The following CALM2 variants were observed in gnomAD, a reference collection of about 807,000 sequenced individuals.
The protein encoded by CALM2 is calmodulin 2.
A neutral mutation model predicts 19.8 loss-of-function variants in CALM2; 2 were observed. The ratio of observed to expected loss-of-function variants is 0.10; its 90% confidence interval spans 0.04 to 0.32. The LOEUF (loss-of-function observed/expected upper bound fraction) is 0.32, where lower values mean the gene tolerates loss of function less well. Ranked by LOEUF, CALM2 falls within the 10% of genes least tolerant of loss-of-function variation. The probability of loss-of-function intolerance (pLI) is 1.00; values close to 1 mark genes in which losing one functional copy is unlikely to be tolerated. For missense variants in CALM2, 38 were observed against 178.7 expected (o/e 0.21, Z 4.49); for synonymous variants, 51 against 52.1 (o/e 0.98, Z 0.09).
intron 2 of CALM2, among the ~76,000 whole-genome samples, chr2:47,169,054 G>C (rs6751274): frequency 2.6e-5 from 4 of 151,870 alleles, no homozygotes; most frequent in Admixed American, 1.3e-4. Flanking sequence ...AATTACAGGC[G>C]TGAGCCACTG....
Position 47,162,159 on chromosome 2 carries a change from T to C in CALM2, c.285+127A>G, listed in dbSNP as rs574880078. The C allele has an allele frequency of 8.5e-5, 42 of 491,434 alleles. 1 individual carries two copies. In the South Asian group the frequency reaches 1.3e-3, roughly 15 times the overall value. The allele number at this position is 491,434 out of a possible 1,614,324, so 30.4% of individuals were successfully genotyped here. On this transcript the variant is annotated intron_variant, in intron 4 of 5. Transcript: ENST00000272298. ...GCTTTTGCTTGGTAATTAAAATATGTTGGTAAATCATCAAAAAAAAAAAAA... is the reference window on the plus strand; with the variant it reads ...GCTTTTGCTTGGTAATTAAAATATGCTGGTAAATCATCAAAAAAAAAAAAA...
upstream of CALM2, chr2:47,176,526 G>GCCCCCAGCGCCTCATAAACAC: frequency 6.3e-7 from 1 of 1,586,562 alleles, no homozygotes; most frequent in South Asian, 1.1e-5. Context: ...CGCCTCCTCC[G>GCCCCCAGCGCCTCATAAACAC]CCCCCAGCGC....
At chr2:47,171,362 G>A in intron 1 of CALM2, 1 of 152,220 alleles carries the variant, frequency 6.6e-6, no homozygotes, top group Non-Finnish European at 1.5e-5. Flanking sequence ...AATAGCACTT[G>A]GTTTTCTTCA....
At chr2:47,176,766 TA>T (rs1666888108), upstream of CALM2, 10 of 985,430 alleles carry the variant, frequency 1.0e-5, 2 homozygotes, top group South Asian at 4.2e-4. Context: ...TGAGGGGCGC[TA>T]CTTTGCGGCG....
chr2:47,165,855 C>T (rs1666453246), intron 2 of CALM2, among the ~76,000 whole-genome samples: 3 of 152,224 alleles, frequency 2.0e-5, no homozygotes, highest in Admixed American at 6.5e-5. Flanking sequence ...ACTTTTAACT[C>T]TTTCAGTCTG....
upstream of CALM2, chr2:47,176,898 T>C (rs961994139): frequency 1.0e-6 from 1 of 985,406 alleles, no homozygotes; most frequent in Non-Finnish European, 1.2e-6. Flanking sequence ...GCGGTGCGGC[T>C]TCTGCCGTTG....
intron 2 of CALM2, among the ~76,000 whole-genome samples, chr2:47,169,543 G>A (rs1048973607): frequency 6.6e-6 from 1 of 152,064 alleles, no homozygotes; most frequent in African/African-American, 2.4e-5. Flanking sequence ...AAAACTGTTT[G>A]CTTTTTGTTC....
chr2:47,161,668 G>A (rs1346609225), intron 5 of CALM2, 55 bp downstream of exon 5: 1 of 1,536,216 alleles, frequency 6.5e-7, no homozygotes, highest in Admixed American at 1.9e-5. Context: ...CTAACAAAGA[G>A]CCTCTTATCT....
upstream of CALM2, chr2:47,176,866 G>A (rs1350975082): frequency 2.0e-6 from 2 of 985,414 alleles, no homozygotes; most frequent in Non-Finnish European, 2.4e-6. Flanking sequence ...GCGTCACTGG[G>A]ACTCGCAGCC....
chr2:47,164,953 C>G (rs572900356), intron 2 of CALM2, among the ~76,000 whole-genome samples: 2 of 152,190 alleles, frequency 1.3e-5, no homozygotes, highest in Admixed American at 1.3e-4. Context: ...CACTAATTTG[C>G]CCATTACCAC....
chr2:47,176,009 C>A (rs1468594262), intron 1 of CALM2, among the ~76,000 whole-genome samples: 1 of 152,144 alleles, frequency 6.6e-6, no homozygotes, highest in Non-Finnish European at 1.5e-5. Flanking sequence ...CGGACAAAGG[C>A]GCTTCCTGGC....
chr2:47,171,570 T>G (rs935059079), intron 1 of CALM2: 1 of 152,208 alleles, frequency 6.6e-6, no homozygotes, highest in African/African-American at 2.4e-5. Context: ...ACTTTTAGCT[T>G]TTAATTCAGA....
chr2:47,170,645 A>G (rs1666635981), intron 2 of CALM2, 89 bp downstream of exon 2: 3 of 1,018,406 alleles, frequency 2.9e-6, no homozygotes, highest in Non-Finnish European at 4.7e-6. Context: ...ACCAAAGTCA[A>G]TTATTTCATA....
intron 1 of CALM2, chr2:47,171,724 GCCT>G (rs1296098753): frequency 6.6e-6 from 1 of 152,106 alleles, no homozygotes; most frequent in African/African-American, 2.4e-5. Context: ...ACAAGAAATA[GCCT>G]CCTATCTAAA....
At chr2:47,175,252 CG>C (rs1284613446) in intron 1 of CALM2, among the ~76,000 whole-genome samples, 1 of 152,040 alleles carries the variant, frequency 6.6e-6, no homozygotes, top group Non-Finnish European at 1.5e-5. Context: ...AACTTCTACA[CG>C]GAATTTAGGG....
At chr2:47,162,186 A>AAAAAAAAAAAAAAAAC in intron 4 of CALM2, 100 bp downstream of exon 4, 1 of 445,464 alleles carries the variant, frequency 2.2e-6, no homozygotes, top group South Asian at 3.6e-5. Flanking sequence ...AAAAAAAAAA[A>AAAAAAAAAAAAAAAAC]AAAAAAAAAA....
chr2:47,174,539 G>A (rs748772915), intron 1 of CALM2, among the ~76,000 whole-genome samples: 67 of 151,740 alleles, frequency 4.4e-4, no homozygotes, highest in South Asian at 2.1e-4. Flanking sequence ...TTTTTATTAA[G>A]ATTTTTTTTT....
Position 47,160,470 on chromosome 2 carries a change from TA to T in CALM2, c.*305del. On this transcript the variant is annotated 3_prime_UTR_variant, in exon 6 of 6. Coordinates refer to ENST00000272298, the MANE Select transcript of CALM2 (RefSeq NM_001743.6). ...TGACAGTTCCTAAAGAAAACTACTT[TA>T]AAAAAGGCATAACCCAGATGTTCCC... The T allele has an allele frequency of 3.2e-5, 8 of 248,942 alleles. No individual in the cohort carries two copies. The highest frequency in any genetic ancestry group is 1.6e-4 in the South Asian group (1 of 6,156). The allele number at this position is 248,942 out of a possible 1,614,324, so 15.4% of individuals were successfully genotyped here. A position where few individuals can be genotyped will look rare whatever the true frequency, so the allele number is the denominator to read the frequency against.
intron 2 of CALM2, among the ~76,000 whole-genome samples, chr2:47,164,278 T>G (rs1666381615): frequency 7.3e-6 from 1 of 137,004 alleles, no homozygotes; most frequent in Admixed American, 7.2e-5. Flanking sequence ...AAACCCCGTC[T>G]CTACTAAAAC....
Sources: gnomAD v4.1 joint callset for allele counts (sites outside exome capture counted in the v4.1 genomes callset) on GRCh38, gnomAD v4.1.1 for gene constraint, MANE v1.5 for transcripts, NCBI Gene and HGNC (gene_info 2026-07-23, HGNC 2026-07-21) for gene names.